EXT2: variants seen among roughly 807,000 people sequenced by gnomAD.
The protein encoded by EXT2 is exostosin glycosyltransferase 2.
EXT2 carries 53 observed loss-of-function variants against 81.6 expected under a neutral mutation model. The observed-to-expected ratio is 0.65, with a 90% CI of 0.52 to 0.82. EXT2 has a LOEUF of 0.82. EXT2 is among the 40% of genes least tolerant of loss of function. The probability of loss-of-function intolerance (pLI) is 0.00; values close to 1 mark genes in which losing one functional copy is unlikely to be tolerated. For synonymous variants in EXT2, 320 were observed against 340.0 expected (o/e 0.94, Z 0.65); for missense variants, 774 against 910.2 (o/e 0.85, Z 1.93).
intron 8 of EXT2, among the ~76,000 whole-genome samples, chr11:44,180,581 G>T (rs1274056069): frequency 6.6e-6 from 1 of 152,134 alleles, no homozygotes; most frequent in Non-Finnish European, 1.5e-5. Flanking sequence ...CATCTCTCCT[G>T]TAGCCCCTCT....
At chr11:44,234,022 C>T in intron 11 of EXT2, 93 bp from the exon 12 acceptor site, 2 of 1,560,704 alleles carry the variant, frequency 1.3e-6, no homozygotes, top group Non-Finnish European at 1.8e-6. Flanking sequence ...TGAGAGAAAG[C>T]TTGTCCCCAT....
In EXT2 at chr11:44,249,287, C is replaced by A. The variant is rs927899548; in HGVS notation, c.*5000C>A. Among the ~76,000 whole-genome samples, 27 of 152,190 alleles carry A rather than the reference C, an allele frequency of 1.8e-4. No individual in the cohort carries two copies. Among genetic ancestry groups the A allele is most frequent in the Non-Finnish European group, 1.9e-4 (13 of 68,042 alleles). Reference sequence around the variant, plus strand: ...TGTTGGGATTACAGGTGTGAACCACCATGCCTGGCCCAGGATAGCACTTTT... The same window carrying A: ...TGTTGGGATTACAGGTGTGAACCACAATGCCTGGCCCAGGATAGCACTTTT... On this transcript the variant is annotated 3_prime_UTR_variant, in exon 14 of 14. Transcript: ENST00000533608.
intron 7 of EXT2, among the ~76,000 whole-genome samples, chr11:44,146,976 T>G (rs1189351380): frequency 6.6e-6 from 1 of 152,192 alleles, no homozygotes; most frequent in East Asian, 1.9e-4. Context: ...AGATGGTTGA[T>G]TTGGGGGATG....
In EXT2 at chr11:44,251,181, A is replaced by G. The variant is rs1956135218; in HGVS notation, c.*6894A>G. ...TCTTGTCTAATGCATGGAGAATTCA[A>G]GGATTTTTTTTTTCTCTTTTCATAG... On this transcript the variant is annotated 3_prime_UTR_variant, in exon 14 of 14. Coordinates refer to ENST00000533608, the MANE Select transcript of EXT2 (RefSeq NM_207122.2). 2.0e-5 allele frequency among the ~76,000 whole-genome samples: 1 copy of G among 51,148 alleles called. No homozygotes were observed. The allele number at this position is 51,148 out of a possible 152,430, so 33.6% of individuals were successfully genotyped here.
intron 3 of EXT2, among the ~76,000 whole-genome samples, chr11:44,113,460 A>G (rs1385439938): frequency 6.6e-6 from 1 of 152,180 alleles, no homozygotes; most frequent in Non-Finnish European, 1.5e-5. Flanking sequence ...TACTTGCTGG[A>G]TCCAGTTAAA....
chr11:44,232,609 G>A (rs931562297), intron 11 of EXT2, 113 bp downstream of exon 11: 5 of 1,333,092 alleles, frequency 3.8e-6, no homozygotes, highest in Non-Finnish European at 3.1e-6. Flanking sequence ...GCCATATTGT[G>A]TGACAGTATT....
At chr11:44,241,622 G>T (rs1037040653) in intron 13 of EXT2, among the ~76,000 whole-genome samples, 20 of 152,186 alleles carry the variant, frequency 1.3e-4, no homozygotes, top group African/African-American at 4.8e-4. Flanking sequence ...AATGGTATGT[G>T]TTTGAAAGGA....
intron 13 of EXT2, among the ~76,000 whole-genome samples, chr11:44,243,844 G>A (rs911909171): frequency 1.3e-5 from 2 of 151,906 alleles, no homozygotes; most frequent in African/African-American, 4.8e-5. Flanking sequence ...TGGAATTTGA[G>A]GGGGAGGGGA....
At chr11:44,175,773 A>G (rs529627571) in intron 8 of EXT2, among the ~76,000 whole-genome samples, 1 of 152,284 alleles carries the variant, frequency 6.6e-6, no homozygotes, top group South Asian at 2.1e-4. Context: ...CTTGACATAT[A>G]AAGGAAAGAA....
rs779080281 is a variant in EXT2 at position 44,200,302 on chromosome 11, CT to C, written c.1495+2298del. On this transcript the variant is annotated intron_variant, in intron 9 of 13. Coordinates refer to ENST00000533608, the MANE Select transcript of EXT2 (RefSeq NM_207122.2). ...AGGCAGAAATCTACCCCCCTTCCCA[CT>C]TTTTTTTTTTTTTCATTCTCCAACC... Among the ~76,000 whole-genome samples, 507 of 141,522 alleles carry C rather than the reference CT, an allele frequency of 3.6e-3. 2 individuals carry two copies. The highest frequency in any genetic ancestry group is 4.0e-3 in the Admixed American group (56 of 14,160). 92.8% of individuals were successfully genotyped at this position (141,522 alleles called of 152,430 possible).
At chr11:44,175,295 G>A (rs1353881153) in intron 8 of EXT2, among the ~76,000 whole-genome samples, 1 of 152,204 alleles carries the variant, frequency 6.6e-6, no homozygotes, top group Non-Finnish European at 1.5e-5. Flanking sequence ...GGTTGCATGA[G>A]GAGTCATGGG....
chr11:44,158,840 A>T (rs994885383), intron 7 of EXT2, among the ~76,000 whole-genome samples: 1 of 151,754 alleles, frequency 6.6e-6, no homozygotes, highest in Non-Finnish European at 1.5e-5. Context: ...CTTGGGGGAT[A>T]ATTTTGCAGG....
Position 44,246,824 on chromosome 11 carries a change from C to T in EXT2, c.*2537C>T, listed in dbSNP as rs887677724. On this transcript the variant is annotated 3_prime_UTR_variant, in exon 14 of 14. Transcript: ENST00000533608. ...AGCTTAGGTCAGGATCATCTGTCCT[C>T]GGGATGCCATAGAGCCTGGTTTCAG... 2.6e-5 allele frequency among the ~76,000 whole-genome samples: 4 copies of T among 152,220 alleles called. No individual in the cohort carries two copies. Among genetic ancestry groups the T allele is most frequent in the Admixed American group, 2.0e-4 (3 of 15,284 alleles).
rs551450932 is a variant in EXT2 at position 44,221,265 on chromosome 11, C to T, written c.1663-11088C>T. On this transcript the variant is annotated intron_variant, in intron 10 of 13. Coordinates refer to ENST00000533608, the MANE Select transcript of EXT2 (RefSeq NM_207122.2). ...GCCCTGCAGACCTTTCCATGGCCAG[C>T]GCTGTGTGTTCTGCACCCTCACCTC... is the stretch of plus-strand genomic sequence containing the variant. 4.6e-5 allele frequency among the ~76,000 whole-genome samples: 7 copies of T among 152,258 alleles called. 1 individual carries two copies. Among genetic ancestry groups the T allele is most frequent in the African/African-American group, 1.7e-4 (7 of 41,564 alleles).
chr11:44,139,294 C>G (rs1954614031), intron 7 of EXT2, among the ~76,000 whole-genome samples: 1 of 151,476 alleles, frequency 6.6e-6, no homozygotes, highest in Non-Finnish European at 1.5e-5. Flanking sequence ...AGCCTTTTCC[C>G]CCTTCTAATC....
intron 7 of EXT2, 40 bp downstream of exon 7, chr11:44,130,178 C>A: frequency 6.6e-7 from 1 of 1,522,832 alleles, no homozygotes; most frequent in South Asian, 1.1e-5. Context: ...TGGGTGGTAC[C>A]GAAATGGTGG....
intron 7 of EXT2, among the ~76,000 whole-genome samples, chr11:44,147,775 C>CT (rs66961451): frequency 0.011 from 1,131 of 103,350 alleles, 19 homozygotes; most frequent in Non-Finnish European, 0.015. Flanking sequence ...TCCACATTGT[C>CT]TTTTTTTTTT....
intron 10 of EXT2, among the ~76,000 whole-genome samples, chr11:44,213,430 GGTAA>G (rs1955676801): frequency 6.6e-6 from 1 of 152,028 alleles, no homozygotes; most frequent in Non-Finnish European, 1.5e-5. Flanking sequence ...AGAATTATCT[GGTAA>G]AGATTTTTAA....
At chr11:44,158,646 AAAAG>A (rs1264903823) in intron 7 of EXT2, among the ~76,000 whole-genome samples, 4 of 151,342 alleles carry the variant, frequency 2.6e-5, no homozygotes, top group Non-Finnish European at 5.9e-5. Flanking sequence ...AATTTTAATA[AAAAG>A]AAAGAATTTT....
Sources: gnomAD v4.1 joint callset for allele counts (sites outside exome capture counted in the v4.1 genomes callset) on GRCh38, gnomAD v4.1.1 for gene constraint, MANE v1.5 for transcripts, NCBI Gene and HGNC (gene_info 2026-07-23, HGNC 2026-07-21) for gene names.